The following MYH14 variants were observed in gnomAD, a reference collection of about 807,000 sequenced individuals.
MYH14 encodes myosin heavy chain 14, also known as myosin-14.
Under a neutral mutation model 255.5 loss-of-function variants are expected in MYH14, and 123 were observed. That is an observed-to-expected ratio of 0.48 (90% CI 0.42 to 0.56). The LOEUF (loss-of-function observed/expected upper bound fraction) is 0.56. MYH14 is among the 20% of genes least tolerant of loss of function. The pLI is 0.00. For missense variants in MYH14, 2,423 were observed against 2,802.3 expected (o/e 0.86, Z 3.06); for synonymous variants, 1,095 against 1,161.2 (o/e 0.94, Z 1.16).
chr19:50,276,821 G>C lies in MYH14; in HGVS notation c.3745G>C (p.Glu1249Gln), dbSNP rs373336821. ...KTLEEETRIH[E>Q]AAVQELRQRH... is the part of the protein sequence containing the mutation. ...TCTGGAGGAGGAGACTCGCATCCAC[G>C]AGGCGGCAGTGCAGGAGCTGAGGCA... Residue 1249 changes from glutamate to glutamine, a missense_variant, in exon 29 of 43, where the codon GAG becomes CAG. Physicochemically the swap from Glu to Gln is conservative, Grantham distance 29 (BLOSUM62 2). Around this residue, in one of 3 missense-constraint regions of MYH14, gnomAD observed 1,513 missense variants for 1,674.8 expected, o/e 0.90. Transcript: ENST00000642316. This position sits in a 1 kb window ranked among gnomAD's most constrained non-coding sequence, Gnocchi z 4.3. 1 of 1,613,130 alleles carries C rather than the reference G, an allele frequency of 6.2e-7. No homozygotes were observed. Among genetic ancestry groups the C allele is most frequent in the African/African-American group, 1.3e-5 (1 of 74,992 alleles).
At chr19:50,216,838 C>T (rs1178537179) in intron 2 of MYH14, among the ~76,000 whole-genome samples, 2 of 136,524 alleles carry the variant, frequency 1.5e-5, no homozygotes, top group Non-Finnish European at 3.1e-5. Context: ...GACAGAGTCT[C>T]GCTCTGTTGC....
Position 50,210,434 on chromosome 19 carries a change from G to T in MYH14, c.69G>T (p.Ala23=), listed in dbSNP as rs1161457049. 6.4e-7 allele frequency: 1 copy of T among 1,555,210 alleles called. No homozygotes were observed. The highest frequency in any genetic ancestry group is 1.9e-5 in the Admixed American group (1 of 52,476). ...CCAGGCCGGGCCCAGTGCCCGAGGC[G>T]GCCCAGCCGTTCCTGTTCACGCCCC... ...APPRPGPVPE[A]AQPFLFTPRG... is the part of the protein sequence containing the mutation. Residue 23 remains alanine, a synonymous_variant, in exon 2 of 43, where the codon GCG becomes GCT. Transcript: ENST00000642316.
chr19:50,208,459 A>C (rs548013319), intron 1 of MYH14, among the ~76,000 whole-genome samples: 2,411 of 148,014 alleles, frequency 0.016, 56 homozygotes, highest in African/African-American at 0.053. Context: ...AACAAACAAA[A>C]AAACCCAACA....
At chr19:50,212,390 G>A (rs1205695343) in intron 2 of MYH14, among the ~76,000 whole-genome samples, 4 of 152,318 alleles carry the variant, frequency 2.6e-5, no homozygotes, top group Middle Eastern at 6.8e-3. Context: ...ATAAGAGGAG[G>A]CTAGCAAATA....
chr19:50,278,284 GC>G lies in MYH14; in HGVS notation c.4030del (p.Gln1344ArgfsTer11). 6.5e-7 allele frequency: 1 copy of G among 1,546,686 alleles called. No individual in the cohort carries two copies. ...GGAGGCTGCTGAGAAGCTGCAGCGA[GC>G]CCAGGTAAGTGGGGTGGGCAGGGCA... ...RAEAAEKLQR[A>X]QAELENVSGA... On this transcript the variant is annotated frameshift_variant, in exon 30 of 43. Coordinates refer to ENST00000642316, the MANE Select transcript of MYH14 (RefSeq NM_001145809.2).
At chr19:50,245,978 C>T (rs1288910895) in intron 11 of MYH14, among the ~76,000 whole-genome samples, 1 of 110,026 alleles carries the variant, frequency 9.1e-6, no homozygotes, top group Non-Finnish European at 1.7e-5. Context: ...CTCCCTCCTT[C>T]CTTCCTTCTT....
intron 22 of MYH14, among the ~76,000 whole-genome samples, chr19:50,263,975 C>G (rs1202595755): frequency 7.3e-6 from 1 of 136,408 alleles, no homozygotes; most frequent in Non-Finnish European, 1.5e-5. Context: ...GAGAATCACT[C>G]AAACCTAGGA....
rs139215122 is a variant in MYH14, at chr19:50,232,038, G to C, written c.1082G>C (p.Arg361Pro). Residue 361 changes from arginine to proline, a missense_variant, in exon 10 of 43, where the codon CGG becomes CCG. Physicochemically the swap from Arg to Pro is moderately radical, Grantham distance 103. Coordinates refer to ENST00000642316, the MANE Select transcript of MYH14 (RefSeq NM_001145809.2). ...ELFQETLESL[R>P]VLGFSHEEII... ...TTCCAGGAGACGCTGGAGTCGCTGC[G>C]GGTCCTGGGATTCAGCCACGAGGAA... 1.2e-6 allele frequency: 2 copies of C among 1,613,092 alleles called. No homozygotes were observed. Among genetic ancestry groups the C allele is most frequent in the East Asian group, 2.2e-5 (1 of 44,882 alleles).
At chr19:50,212,420 TG>T (rs1298162874) in intron 2 of MYH14, among the ~76,000 whole-genome samples, 9 of 152,360 alleles carry the variant, frequency 5.9e-5, no homozygotes, top group Admixed American at 5.9e-4. Context: ...GCACTCGTGA[TG>T]TGCCAAGCAC....
chr19:50,309,834 C>A lies in MYH14; in HGVS notation c.*44C>A. Reference sequence around the variant, plus strand: ...TGCACTAACAGATGGGGCCCAGCCCCCTTCCTCCCTGGACCCCACGGGCCC... The same window carrying A: ...TGCACTAACAGATGGGGCCCAGCCCACTTCCTCCCTGGACCCCACGGGCCC... On this transcript the variant is annotated 3_prime_UTR_variant, in exon 43 of 43. Coordinates refer to ENST00000642316, the MANE Select transcript of MYH14 (RefSeq NM_001145809.2). 1 of 1,549,000 alleles carries A rather than the reference C, an allele frequency of 6.5e-7. No individual in the cohort carries two copies.
rs2035088628 is a variant in MYH14, at chr19:50,266,556, C to T, written c.2695-321C>T. ...CCTGGGCGAGAGAGCAAGACTCTGT[C>T]GAAAGGAAGGAAGGAAGGGAGGAAA... On this transcript the variant is annotated intron_variant, in intron 22 of 42. Transcript: ENST00000642316. This position sits in a 1 kb window ranked among gnomAD's most constrained non-coding sequence, Gnocchi z 4.1. Among the ~76,000 whole-genome samples the T allele has an allele frequency of 1.3e-5, 2 of 151,900 alleles. No homozygotes were observed. Among genetic ancestry groups the T allele is most frequent in the African/African-American group, 4.8e-5 (2 of 41,384 alleles).
intron 2 of MYH14, among the ~76,000 whole-genome samples, chr19:50,213,455 G>C (rs78423510): frequency 1.0e-3 from 156 of 152,270 alleles, no homozygotes; most frequent in African/African-American, 3.7e-3. Flanking sequence ...ATTGCACTAG[G>C]AAGATTATTC....
intron 8 of MYH14, among the ~76,000 whole-genome samples, chr19:50,227,311 A>C (rs2033158050): frequency 6.6e-6 from 1 of 152,116 alleles, no homozygotes; most frequent in Non-Finnish European, 1.5e-5. Flanking sequence ...CCCAGGGACC[A>C]GGCACAAGCT....
At chr19:50,289,389 C>T in intron 34 of MYH14, 47 bp from the exon 35 acceptor site, 1 of 1,510,068 alleles carries the variant, frequency 6.6e-7, no homozygotes, top group Non-Finnish European at 9.0e-7. Context: ...CTCCTAACCT[C>T]CTCTGCCTCA....
intron 10 of MYH14, among the ~76,000 whole-genome samples, chr19:50,232,925 T>C (rs1030732338): frequency 2.0e-5 from 3 of 151,772 alleles, no homozygotes; most frequent in Non-Finnish European, 4.4e-5. Context: ...GCTGGGGAGC[T>C]GTGGGAGGGC....
chr19:50,211,804 C>T (rs1222529831), intron 2 of MYH14, among the ~76,000 whole-genome samples: 2 of 150,952 alleles, frequency 1.3e-5, no homozygotes, highest in African/African-American at 2.4e-5. Flanking sequence ...CATGGCAAAA[C>T]CCCATCCCTG....
rs1306924645 is a variant in MYH14, at chr19:50,301,712, G to T, written c.5521G>T (p.Ala1841Ser). The change falls in exon 40 of 43, where the codon GCA (alanine) becomes TCA (serine). Residue 1841 changes from alanine to serine, a missense_variant. This residue lies in a region of MYH14 where 1,513 missense variants were observed against 1,674.8 expected (regional missense o/e 0.90). Coordinates refer to ENST00000642316, the MANE Select transcript of MYH14 (RefSeq NM_001145809.2). ...LSAERSFSAK[A>S]ESGRQQLERQ... ...AGCTGAGCGCAGTTTCTCAGCCAAG[G>T]CAGAGAGCGGGCGGCAGCAGCTGGA... 6.2e-7 allele frequency: 1 copy of T among 1,613,906 alleles called. No individual in the cohort carries two copies.
Position 50,232,047 on chromosome 19 carries a change from G to A in MYH14, c.1091G>A (p.Gly364Glu). The A allele has an allele frequency of 3.1e-6, 5 of 1,612,682 alleles. No individual in the cohort carries two copies. Among genetic ancestry groups the A allele is most frequent in the Non-Finnish European group, 4.2e-6 (5 of 1,179,892 alleles). ...QETLESLRVL[G>E]FSHEEIISML... ...ACGCTGGAGTCGCTGCGGGTCCTGG[G>A]ATTCAGCCACGAGGAAATCATCTGT... is the stretch of plus-strand genomic sequence containing the variant. The change falls in exon 10 of 43, where the codon GGA becomes GAA. Residue 364 changes from glycine to glutamate, a missense_variant. This residue lies in a region of MYH14 where 672 missense variants were observed against 881.8 expected (regional missense o/e 0.76). Coordinates refer to ENST00000642316, the MANE Select transcript of MYH14 (RefSeq NM_001145809.2).
In MYH14 at chr19:50,276,704, C is replaced by T. The variant is rs536381784; in HGVS notation, c.3681-53C>T. ...AGAAACAACCAGCTCCCCCAAAGCC[C>T]CTGCCTTCCTCTGCTCTGAAATTCC... On this transcript the variant is annotated intron_variant, in intron 28 of 42. Transcript: ENST00000642316. The surrounding 1 kb of genome is among the most constrained non-coding windows in gnomAD (Gnocchi z 4.3). 132 of 1,611,752 alleles carry T rather than the reference C, an allele frequency of 8.2e-5. No individual in the cohort carries two copies. The African/African-American group carries it at 1.6e-3, about 19-fold the overall frequency.
Sources: gnomAD v4.1 joint callset for allele counts (sites outside exome capture counted in the v4.1 genomes callset) on GRCh38, gnomAD v4.1.1 for gene constraint, gnomAD v4.1.1 regional missense constraint, Gnocchi (gnomAD v3.1) non-coding constraint, MANE v1.5 for transcripts, NCBI Gene and HGNC (gene_info 2026-07-23, HGNC 2026-07-21) for gene names.